Variants in CD72 observed in about 807,000 individuals in gnomAD.
The protein encoded by CD72 is B-cell differentiation antigen CD72.
A neutral mutation model predicts 50.7 loss-of-function variants in CD72; 28 were observed. The observed-to-expected ratio is 0.55, with a 90% CI of 0.41 to 0.76. The LOEUF is 0.76. Ranked by LOEUF, CD72 falls within the 30% of genes least tolerant of loss-of-function variation. The probability of loss-of-function intolerance (pLI) is 0.00; values close to 1 mark genes in which losing one functional copy is unlikely to be tolerated. For synonymous variants in CD72, 176 were observed against 171.2 expected, an observed-to-expected ratio of 1.03 and a Z score of -0.22; for missense variants, 403 against 420.6, an observed-to-expected ratio of 0.96 and a Z score of 0.37.
chr9:35,616,761 G>A (rs1467405575), intron 3 of CD72, 72 bp from the exon 4 acceptor site: 1 of 1,317,150 alleles, frequency 7.6e-7, no homozygotes, highest in South Asian at 1.2e-5. Context: ...GGACAGGTCC[G>A]TGGGGGAGAC....
intron 3 of CD72, 127 bp from the exon 4 acceptor site, chr9:35,616,816 G>T: frequency 9.9e-7 from 1 of 1,008,046 alleles, no homozygotes; most frequent in South Asian, 1.4e-5. Context: ...CAGAGCTGAG[G>T]GGGCAAGCAT....
upstream of CD72, among the ~76,000 whole-genome samples, chr9:35,619,847 A>G (rs1380836075): frequency 6.6e-6 from 1 of 152,170 alleles, no homozygotes; most frequent in Non-Finnish European, 1.5e-5. Flanking sequence ...AAAGTCGTCA[A>G]AGGTCATCAC....
In CD72 at chr9:35,628,319, G is replaced by A. The variant is rs1039393630; in HGVS notation, n.409-10198C>T. Among the ~76,000 whole-genome samples the A allele has an allele frequency of 3.3e-5, 5 of 152,338 alleles. No individual in the cohort carries two copies. In the East Asian group the frequency reaches 5.8e-4, roughly 18 times the overall value. On this transcript the variant is annotated intron_variant and non_coding_transcript_variant, in intron 1 of 3. Transcript: ENST00000465754. Reference sequence around the variant, plus strand: ...AAATAAACTATGACCTGGGCGGGGCGTGGTGGCTCACGCCTGTAATCCCAG... The same window carrying A: ...AAATAAACTATGACCTGGGCGGGGCATGGTGGCTCACGCCTGTAATCCCAG...
At chr9:35,625,293 G>A (rs543686710) in intron 1 of CD72, among the ~76,000 whole-genome samples, 3 of 152,330 alleles carry the variant, frequency 2.0e-5, no homozygotes, top group African/African-American at 7.2e-5. Flanking sequence ...GCGTTTGAGT[G>A]GTCTGGATAG....
At chr9:35,637,933 T>A (rs945611995) in intron 1 of CD72, among the ~76,000 whole-genome samples, 4 of 152,142 alleles carry the variant, frequency 2.6e-5, no homozygotes, top group South Asian at 4.1e-4. Context: ...GATTCCCCCA[T>A]CTTTTCCCTT....
At chr9:35,639,075 C>T (rs1392703325) in intron 1 of CD72, among the ~76,000 whole-genome samples, 2 of 150,328 alleles carry the variant, frequency 1.3e-5, no homozygotes, top group African/African-American at 4.9e-5. Context: ...AATCTTTGGG[C>T]ACAAAGATTT....
chr9:35,645,236 A>G (rs1158054000), intron 1 of CD72, among the ~76,000 whole-genome samples: 1 of 151,192 alleles, frequency 6.6e-6, no homozygotes, highest in Non-Finnish European at 1.5e-5. Context: ...TAGCTTACAT[A>G]GCCAAAAAGT....
At chr9:35,640,844 G>A (rs1039588669) in intron 1 of CD72, among the ~76,000 whole-genome samples, 3 of 152,218 alleles carry the variant, frequency 2.0e-5, no homozygotes, top group Non-Finnish European at 4.4e-5. Flanking sequence ...TTGAATGCCC[G>A]GGTTTATATC....
At chr9:35,618,573 GCCTGTC>G, upstream of CD72, 2 of 748,256 alleles carry the variant, frequency 2.7e-6, no homozygotes, top group Non-Finnish European at 4.3e-6. Context: ...TAGGGGATGG[GCCTGTC>G]CCCATGTCCT....
At chr9:35,614,700 T>G (rs1823040336) in intron 5 of CD72, among the ~76,000 whole-genome samples, 1 of 152,008 alleles carries the variant, frequency 6.6e-6, no homozygotes, top group Non-Finnish European at 1.5e-5. Flanking sequence ...AGAAGGATAA[T>G]GGAACAAAGA....
chr9:35,628,713 C>A (rs1823218165), intron 1 of CD72, among the ~76,000 whole-genome samples: 2 of 152,170 alleles, frequency 1.3e-5, no homozygotes. Context: ...TGTAAAGCAG[C>A]TCTCAAACAA....
upstream of CD72, chr9:35,618,836 G>A (rs532003947): frequency 8.3e-6 from 10 of 1,197,948 alleles, no homozygotes; most frequent in Non-Finnish European, 9.9e-6. Context: ...CATCCTGGGG[G>A]TTCCAGTAAC....
intron 1 of CD72, among the ~76,000 whole-genome samples, chr9:35,639,342 A>T (rs1345931524): frequency 1.3e-5 from 2 of 152,242 alleles, no homozygotes; most frequent in Admixed American, 6.5e-5. Flanking sequence ...AAGAAAGCAC[A>T]TTGTTATTTG....
At chr9:35,637,702 C>T (rs563016166) in intron 1 of CD72, among the ~76,000 whole-genome samples, 13 of 152,162 alleles carry the variant, frequency 8.5e-5, no homozygotes, top group Non-Finnish European at 1.8e-4. Flanking sequence ...TGCGGGGATG[C>T]CTGCCTGATT....
chr9:35,618,835 G>A, upstream of CD72: 2 of 1,205,968 alleles, frequency 1.7e-6, no homozygotes, highest in Non-Finnish European at 2.2e-6. Flanking sequence ...TCATCCTGGG[G>A]GTTCCAGTAA....
intron 2 of CD72, 24 bp downstream of exon 2, chr9:35,617,990 A>T: frequency 7.1e-7 from 1 of 1,400,668 alleles, no homozygotes. Flanking sequence ...CCCAACAAAC[A>T]CACATCCCCC....
chr9:35,628,675 G>A (rs1420045985), intron 1 of CD72, among the ~76,000 whole-genome samples: 2 of 152,200 alleles, frequency 1.3e-5, no homozygotes, highest in Non-Finnish European at 2.9e-5. Context: ...CAGAGGGCCA[G>A]GAGTGCTGGA....
upstream of CD72, among the ~76,000 whole-genome samples, chr9:35,619,335 C>G (rs1050950577): frequency 6.6e-6 from 1 of 152,102 alleles, no homozygotes; most frequent in Admixed American, 6.5e-5. Flanking sequence ...GTTCTTTTAC[C>G]GGGATGTGAC....
At chr9:35,623,821 A>C (rs995348415), upstream of CD72, among the ~76,000 whole-genome samples, 1 of 151,238 alleles carries the variant, frequency 6.6e-6, no homozygotes, top group Admixed American at 6.6e-5. Flanking sequence ...GGCTGAGGCA[A>C]GAGAATAGCT....
Sources: allele counts gnomAD v4.1 joint callset (sites outside exome capture counted in the v4.1 genomes callset), GRCh38; gene constraint gnomAD v4.1.1; transcripts MANE v1.5; gene names NCBI Gene and HGNC (gene_info 2026-07-23, HGNC 2026-07-21).